LOC400499: variants seen among roughly 807,000 people sequenced by gnomAD.
chr16:11,459,760 G>C, the LOC400499 span: 1 of 892,674 alleles, frequency 1.1e-6, no homozygotes, highest in Non-Finnish European at 1.5e-6. Flanking sequence ...AGATGCAAAA[G>C]GGAAAGTCAC....
At chr16:11,440,074 C>A in the LOC400499 span, among the ~76,000 whole-genome samples, 1 of 151,998 alleles carries the variant, frequency 6.6e-6, no homozygotes, top group Non-Finnish European at 1.5e-5. Flanking sequence ...TTATATAACA[C>A]TAAAAGCCCA....
chr16:11,468,411 C>G, the LOC400499 span, among the ~76,000 whole-genome samples: 1 of 152,098 alleles, frequency 6.6e-6, no homozygotes, highest in Non-Finnish European at 1.5e-5. Context: ...GCAGCCTTGA[C>G]CTTCTGGGCT....
At chr16:11,424,648 G>A in the LOC400499 span, among the ~76,000 whole-genome samples, 2 of 152,198 alleles carry the variant, frequency 1.3e-5, no homozygotes, top group Admixed American at 6.5e-5. Context: ...CCGAGGAAAG[G>A]ACACAAATCT....
At chr16:11,390,105 C>T in the LOC400499 span, 5 of 1,232,150 alleles carry the variant, frequency 4.1e-6, no homozygotes, top group Non-Finnish European at 5.1e-6. Flanking sequence ...CCCGAGTTAC[C>T]TGGCCGACAG....
the LOC400499 span, among the ~76,000 whole-genome samples, chr16:11,388,454 C>T: frequency 6.6e-6 from 1 of 152,164 alleles, no homozygotes; most frequent in Non-Finnish European, 1.5e-5. Context: ...TAGTTAGAGG[C>T]AGAGCCGGAT....
the LOC400499 span, chr16:11,447,963 C>A: frequency 1.3e-6 from 2 of 1,535,992 alleles, no homozygotes; most frequent in Non-Finnish European, 1.7e-6. Flanking sequence ...GTTTCCGGTA[C>A]AATGTCCTGT....
the LOC400499 span, chr16:11,460,820 T>C: frequency 8.1e-7 from 1 of 1,227,788 alleles, no homozygotes; most frequent in South Asian, 1.6e-5. Context: ...TGGGCAGGTA[T>C]TCAGTCCTAC....
At chr16:11,505,841 G>A in the LOC400499 span, among the ~76,000 whole-genome samples, 5 of 151,960 alleles carry the variant, frequency 3.3e-5, no homozygotes, top group African/African-American at 7.3e-5. Flanking sequence ...GGATAATTGC[G>A]ATATCCATCA....
At chr16:11,526,880 A>G in the LOC400499 span, among the ~76,000 whole-genome samples, 12 of 152,076 alleles carry the variant, frequency 7.9e-5, no homozygotes, top group African/African-American at 1.9e-4. Context: ...CAGCTCCCCA[A>G]TCCCTGCCTT....
chr16:11,399,132 TGGA>T, the LOC400499 span: 1 of 795,096 alleles, frequency 1.3e-6, no homozygotes, highest in Non-Finnish European at 1.5e-6. Context: ...GTAATGATGC[TGGA>T]GGAGACCAGA....
At chr16:11,376,503 ATG>A in the LOC400499 span, among the ~76,000 whole-genome samples, 1 of 152,164 alleles carries the variant, frequency 6.6e-6, no homozygotes, top group African/African-American at 2.4e-5. Flanking sequence ...ATTTGACCAC[ATG>A]TGTAAGAGTT....
chr16:11,500,769 G>A, the LOC400499 span: 2 of 398,922 alleles, frequency 5.0e-6, no homozygotes, highest in Admixed American at 4.4e-5. Context: ...ACGGAGGGAG[G>A]ACACCGGGGC....
chr16:11,392,796 C>T, the LOC400499 span: 19,236 of 977,694 alleles, frequency 0.02, 304 homozygotes, highest in Non-Finnish European at 0.022. Flanking sequence ...AGCTCACTCC[C>T]AGCAGCTGAG....
the LOC400499 span, chr16:11,493,563 G>T: frequency 2.5e-6 from 1 of 393,598 alleles, no homozygotes; most frequent in Non-Finnish European, 4.5e-6. Context: ...ATGAACAACT[G>T]AATAAGTGAA....
At chr16:11,492,994 A>G in the LOC400499 span, among the ~76,000 whole-genome samples, 1 of 152,144 alleles carries the variant, frequency 6.6e-6, no homozygotes, top group Non-Finnish European at 1.5e-5. Flanking sequence ...ACCAGGAAAG[A>G]GCATGTGCAA....
chr16:11,418,855 C>T, the LOC400499 span, among the ~76,000 whole-genome samples: 2 of 152,210 alleles, frequency 1.3e-5, no homozygotes, highest in African/African-American at 4.8e-5. Flanking sequence ...CATGCCACCC[C>T]ACAATTGTCT....
the LOC400499 span, chr16:11,372,755 A>G: frequency 3.1e-6 from 3 of 982,570 alleles, no homozygotes; most frequent in African/African-American, 5.2e-5. Flanking sequence ...AGGAGAGAGA[A>G]AAGTAAGACC....
At chr16:11,387,704 T>C in the LOC400499 span, among the ~76,000 whole-genome samples, 1 of 152,268 alleles carries the variant, frequency 6.6e-6, no homozygotes, top group East Asian at 1.9e-4. Flanking sequence ...CTCAACTCAC[T>C]GCAACCTCTG....
chr16:11,486,136 G>C, the LOC400499 span, among the ~76,000 whole-genome samples: 1 of 150,976 alleles, frequency 6.6e-6, no homozygotes, highest in Non-Finnish European at 1.5e-5. Flanking sequence ...GATGATGGGT[G>C]GGTAGACGAA....
Sources: gnomAD v4.1 joint callset for allele counts (sites outside exome capture counted in the v4.1 genomes callset) on GRCh38, gnomAD v4.1.1 for gene constraint, MANE v1.5 for transcripts.